Variants in OSBPL6 observed in about 807,000 individuals in gnomAD.
OSBPL6 encodes the protein oxysterol-binding protein-related protein 6.
In OSBPL6, 49 loss-of-function variants were observed where a neutral mutation model predicts 125.8. The observed-to-expected ratio is 0.39, with a 90% CI of 0.31 to 0.49. The LOEUF is 0.49. Ranked by LOEUF, OSBPL6 falls within the 20% of genes least tolerant of loss-of-function variation. The probability of loss-of-function intolerance (pLI) is 0.88; values close to 1 mark genes in which losing one functional copy is unlikely to be tolerated. For synonymous variants in OSBPL6, 394 were observed against 391.8 expected, an observed-to-expected ratio of 1.01 and a Z score of -0.07; for missense variants, 986 against 1,135.4, an observed-to-expected ratio of 0.87 and a Z score of 1.89.
chr2:178,281,010 C>CTT (rs55986941), intron 1 of OSBPL6, among the ~76,000 whole-genome samples: 108 of 131,470 alleles, frequency 8.2e-4, no homozygotes, highest in Admixed American at 1.0e-3. Flanking sequence ...TTGCTTTTGA[C>CTT]TTTTTTTTTT....
At chr2:178,282,878 C>T (rs1288509307) in intron 1 of OSBPL6, among the ~76,000 whole-genome samples, 1 of 152,178 alleles carries the variant, frequency 6.6e-6, no homozygotes, top group African/African-American at 2.4e-5. Context: ...GTCTCGATCT[C>T]CTGACCTCAG....
chr2:178,356,414 A>G (rs1691797167), intron 12 of OSBPL6, among the ~76,000 whole-genome samples: 1 of 152,248 alleles, frequency 6.6e-6, no homozygotes, highest in Non-Finnish European at 1.5e-5. Flanking sequence ...ATCAATGTGC[A>G]AAAATCACAA....
At chr2:178,386,198 C>T (rs1158523729) in intron 19 of OSBPL6, among the ~76,000 whole-genome samples, 3 of 152,182 alleles carry the variant, frequency 2.0e-5, no homozygotes, top group African/African-American at 4.8e-5. Flanking sequence ...TGATAGAACA[C>T]TGTAGCTGTA....
intron 1 of OSBPL6, among the ~76,000 whole-genome samples, chr2:178,270,017 C>T (rs1175853999): frequency 6.6e-6 from 1 of 152,190 alleles, no homozygotes; most frequent in Non-Finnish European, 1.5e-5. Flanking sequence ...AACACACTGG[C>T]TTGTTCAGGT....
chr2:178,275,930 G>A (rs905082662), intron 1 of OSBPL6, among the ~76,000 whole-genome samples: 13 of 152,178 alleles, frequency 8.5e-5, no homozygotes, highest in East Asian at 7.7e-4. Flanking sequence ...GAGGCACAGA[G>A]AAGTAAAATA....
intron 2 of OSBPL6, among the ~76,000 whole-genome samples, chr2:178,304,677 G>A (rs1373540681): frequency 6.6e-6 from 1 of 152,170 alleles, no homozygotes; most frequent in Non-Finnish European, 1.5e-5. Flanking sequence ...CAATACTGTT[G>A]CGTTGGGGTT....
Position 178,302,007 on chromosome 2 carries a change from T to C in OSBPL6, c.-155-4023T>C, listed in dbSNP as rs556050801. Among the ~76,000 whole-genome samples, 6 of 152,332 alleles carry C rather than the reference T, an allele frequency of 3.9e-5. No individual in the cohort carries two copies. The South Asian group carries it at 1.2e-3, about 32-fold the overall frequency. On this transcript the variant is annotated intron_variant, in intron 2 of 24. Coordinates refer to ENST00000190611, the MANE Select transcript of OSBPL6 (RefSeq NM_032523.4). ...ACATTTGGGGCTTGGTTGTGACTCATTGCAACTTAGCCCAGGGCAAGTGGT... is the reference window on the plus strand; with the variant it reads ...ACATTTGGGGCTTGGTTGTGACTCACTGCAACTTAGCCCAGGGCAAGTGGT...
intron 3 of OSBPL6, chr2:178,323,763 G>A (rs541785731): frequency 3.3e-5 from 5 of 152,882 alleles, no homozygotes; most frequent in South Asian, 2.1e-4. Flanking sequence ...ATGCCTGGCC[G>A]CCACTGGATT....
chr2:178,230,454 C>A (rs113683794), intron 1 of OSBPL6: 3 of 152,252 alleles, frequency 2.0e-5, no homozygotes, highest in African/African-American at 7.2e-5. Flanking sequence ...ATACTGGGTT[C>A]CTCGGAAAAG....
rs767052894 is a variant in OSBPL6, at chr2:178,361,662, TCA to T, written c.1154-18_1154-17del. ...TCTGCACATATCTGACAGTTTTTTCTCACTTTTCTCCCCACCCAGTGCATTCT... is the reference window on the plus strand; with the variant it reads ...TCTGCACATATCTGACAGTTTTTTCTCTTTTCTCCCCACCCAGTGCATTCT... On this transcript the variant is annotated intron_variant, in intron 12 of 24. Coordinates refer to ENST00000190611, the MANE Select transcript of OSBPL6 (RefSeq NM_032523.4). 97 of 1,612,528 alleles carry T rather than the reference TCA, an allele frequency of 6.0e-5. 3 individuals are homozygous for T. In the South Asian group the frequency reaches 1.0e-3, roughly 17 times the overall value.
At chr2:178,279,937 C>T (rs1305670236) in intron 1 of OSBPL6, among the ~76,000 whole-genome samples, 1 of 152,172 alleles carries the variant, frequency 6.6e-6, no homozygotes. Context: ...CGGTGGCTCA[C>T]ACCTGGAATC....
intron 12 of OSBPL6, among the ~76,000 whole-genome samples, chr2:178,356,505 A>C (rs1166997108): frequency 1.3e-5 from 2 of 152,228 alleles, no homozygotes; most frequent in Admixed American, 1.3e-4. Context: ...CAAAGAGAAT[A>C]AAATACCTAG....
chr2:178,364,438 G>C (rs1300880954), intron 13 of OSBPL6, among the ~76,000 whole-genome samples: 1 of 152,204 alleles, frequency 6.6e-6, no homozygotes, highest in Non-Finnish European at 1.5e-5. Context: ...AGAATAGCTT[G>C]TACATTTGAG....
rs530685822 is a variant in OSBPL6, at chr2:178,340,245, A to G, written c.987+481A>G. Among the ~76,000 whole-genome samples the G allele has an allele frequency of 2.0e-5, 3 of 152,182 alleles. No homozygotes were observed. In the East Asian group the frequency reaches 5.8e-4, roughly 29 times the overall value. On this transcript the variant is annotated intron_variant, in intron 11 of 24. Coordinates refer to ENST00000190611, the MANE Select transcript of OSBPL6 (RefSeq NM_032523.4). The stretch of plus-strand genomic sequence containing the variant: ...AGTCTAATCACTGTGATTTTCTGGC[A>G]GTATAATTTCGTACATTTCTGTTAA...
chr2:178,242,329 A>T (rs1452914336), intron 1 of OSBPL6, among the ~76,000 whole-genome samples: 1 of 152,166 alleles, frequency 6.6e-6, no homozygotes, highest in Non-Finnish European at 1.5e-5. Context: ...GTTCCCAGGA[A>T]CCTTTCTATG....
chr2:178,320,845 C>G (rs1330239831), intron 3 of OSBPL6, among the ~76,000 whole-genome samples: 3 of 152,152 alleles, frequency 2.0e-5, no homozygotes, highest in Non-Finnish European at 4.4e-5. Context: ...AAGTTCTATC[C>G]TATTGGAGCA....
chr2:178,257,422 C>G (rs1403931626), intron 1 of OSBPL6, among the ~76,000 whole-genome samples: 1 of 152,062 alleles, frequency 6.6e-6, no homozygotes, highest in Non-Finnish European at 1.5e-5. Context: ...ATTATACATA[C>G]TTCTGTCATA....
chr2:178,326,134 A>G (rs961587329), intron 4 of OSBPL6, among the ~76,000 whole-genome samples: 2 of 148,194 alleles, frequency 1.3e-5, no homozygotes, highest in Admixed American at 6.8e-5. Context: ...TTTGAAGTAC[A>G]CATTGTCCTG....
chr2:178,248,103 A>G (rs572842074), intron 1 of OSBPL6, among the ~76,000 whole-genome samples: 5 of 152,352 alleles, frequency 3.3e-5, no homozygotes, highest in Admixed American at 6.5e-5. Flanking sequence ...ACTTGTAGAT[A>G]CAAAACGAAG....
Sources: allele counts gnomAD v4.1 joint callset (sites outside exome capture counted in the v4.1 genomes callset), GRCh38; gene constraint gnomAD v4.1.1; transcripts MANE v1.5; gene names NCBI Gene and HGNC (gene_info 2026-07-23, HGNC 2026-07-21).